Variants in XKR6 observed in about 807,000 individuals in gnomAD.
XKR6 encodes XK related 6.
A neutral mutation model predicts 56.7 loss-of-function variants in XKR6; 22 were observed. The observed-to-expected ratio is 0.39, with a 90% CI of 0.28 to 0.55. The LOEUF (loss-of-function observed/expected upper bound fraction) is 0.55. Among genes scored for constraint, XKR6 ranks in the 20% least tolerant of loss-of-function variants. The pLI is 0.66. For missense variants in XKR6, 852 were observed against 889.0 expected, an observed-to-expected ratio of 0.96 and a Z score of 0.53; for synonymous variants, 524 against 387.8, an observed-to-expected ratio of 1.35 and a Z score of -4.13.
chr8:11,165,978 T>TA (rs1554476588), intron 1 of XKR6, among the ~76,000 whole-genome samples: 1 of 149,308 alleles, frequency 6.7e-6, no homozygotes, highest in African/African-American at 2.5e-5. Context: ...TTTTTTGAGA[T>TA]GGAGTCTCAC....
intron 1 of XKR6, among the ~76,000 whole-genome samples, chr8:11,083,898 G>C (rs1797805039): frequency 6.6e-6 from 1 of 151,966 alleles, no homozygotes; most frequent in Non-Finnish European, 1.5e-5. Context: ...TAAAGTTCTT[G>C]AGACAGATTG....
chr8:11,195,135 G>T (rs761087344), intron 1 of XKR6: 1 of 703,112 alleles, frequency 1.4e-6, no homozygotes, highest in Admixed American at 2.0e-5. Flanking sequence ...GATGGGAGGA[G>T]GGAGAAGGGA....
At chr8:11,091,331 G>C (rs1798062468) in intron 1 of XKR6, among the ~76,000 whole-genome samples, 2 of 152,014 alleles carry the variant, frequency 1.3e-5, no homozygotes. Flanking sequence ...CCAGCTACTT[G>C]GAAGGCTGAG....
chr8:10,997,943 C>T (rs1798152172), intron 1 of XKR6, among the ~76,000 whole-genome samples: 1 of 152,168 alleles, frequency 6.6e-6, no homozygotes, highest in Non-Finnish European at 1.5e-5. Context: ...TCACAGGATG[C>T]TTCCCATAGC....
intron 1 of XKR6, among the ~76,000 whole-genome samples, chr8:10,937,667 G>A (rs1160029947): frequency 3.4e-5 from 5 of 149,030 alleles, no homozygotes; most frequent in Admixed American, 6.7e-5. Context: ...GCCGTGTGAG[G>A]TGTCAGTGTG....
At chr8:11,130,263 A>T (rs560136256) in intron 1 of XKR6, among the ~76,000 whole-genome samples, 1 of 152,124 alleles carries the variant, frequency 6.6e-6, no homozygotes, top group South Asian at 2.1e-4. Context: ...AAAATGATAG[A>T]TTTTTCAGCA....
At chr8:11,001,584 C>A (rs1160123035) in intron 1 of XKR6, among the ~76,000 whole-genome samples, 2 of 152,252 alleles carry the variant, frequency 1.3e-5, no homozygotes, top group African/African-American at 4.8e-5. Flanking sequence ...CCAGGCAGGC[C>A]TCTCCTTACC....
chr8:11,008,141 T>G (rs1798414658), intron 1 of XKR6, among the ~76,000 whole-genome samples: 1 of 152,218 alleles, frequency 6.6e-6, no homozygotes, highest in African/African-American at 2.4e-5. Context: ...ACTCTCACGA[T>G]GCCCTGTCCT....
At chr8:11,185,424 T>C (rs1340971922) in intron 1 of XKR6, among the ~76,000 whole-genome samples, 1 of 152,224 alleles carries the variant, frequency 6.6e-6, no homozygotes, top group East Asian at 1.9e-4. Context: ...ATATACGTAG[T>C]TTCACTTCAA....
At chr8:11,107,301 G>C (rs745794662) in intron 1 of XKR6, among the ~76,000 whole-genome samples, 1 of 151,874 alleles carries the variant, frequency 6.6e-6, no homozygotes, top group Non-Finnish European at 1.5e-5. Flanking sequence ...CTGGGCTCAA[G>C]AGATCCTCCT....
chr8:11,136,195 T>C (rs539739920), intron 1 of XKR6, among the ~76,000 whole-genome samples: 3 of 152,324 alleles, frequency 2.0e-5, no homozygotes, highest in South Asian at 2.1e-4. Context: ...TTTCCTCCAT[T>C]ACTAGGGACT....
chr8:11,150,061 G>C (rs752102127), intron 1 of XKR6, among the ~76,000 whole-genome samples: 1 of 152,196 alleles, frequency 6.6e-6, no homozygotes, highest in Non-Finnish European at 1.5e-5. Flanking sequence ...AGATACCAGA[G>C]GCTGGGAAGA....
intron 1 of XKR6, among the ~76,000 whole-genome samples, chr8:11,112,861 T>G (rs186073447): frequency 4.6e-5 from 7 of 152,084 alleles, no homozygotes; most frequent in Non-Finnish European, 1.0e-4. Context: ...GCCACATACA[T>G]GAAGAAAAAG....
chr8:11,118,684 T>C (rs1364051274), intron 1 of XKR6, among the ~76,000 whole-genome samples: 1 of 152,208 alleles, frequency 6.6e-6, no homozygotes, highest in African/African-American at 2.4e-5. Context: ...TTGCATCTAT[T>C]TGATTCTTCT....
chr8:11,035,370 A>G, intron 1 of XKR6: 4 of 532,272 alleles, frequency 7.5e-6, no homozygotes, highest in Admixed American at 5.8e-5. Context: ...CAAATCATGA[A>G]TGGGGCTCTT....
intron 1 of XKR6, among the ~76,000 whole-genome samples, chr8:11,082,358 T>A (rs1377375197): frequency 6.6e-6 from 1 of 152,198 alleles, no homozygotes; most frequent in African/African-American, 2.4e-5. Context: ...TTGGTCAATT[T>A]TGGAAGGGCT....
intron 1 of XKR6, among the ~76,000 whole-genome samples, chr8:10,958,789 G>C (rs539276292): frequency 4.3e-4 from 66 of 152,312 alleles, no homozygotes; most frequent in African/African-American, 1.5e-3. Flanking sequence ...CACTGGATGA[G>C]AAAGTACAAC....
chr8:10,973,023 G>C (rs918999623), intron 1 of XKR6, among the ~76,000 whole-genome samples: 2 of 152,150 alleles, frequency 1.3e-5, no homozygotes, highest in Non-Finnish European at 2.9e-5. Context: ...CATTCAGTAG[G>C]ACTTTGCTGT....
At chr8:11,054,390 A>C (rs1031390310) in intron 1 of XKR6, among the ~76,000 whole-genome samples, 1 of 152,208 alleles carries the variant, frequency 6.6e-6, no homozygotes, top group African/African-American at 2.4e-5. Context: ...TGCCCTGTAC[A>C]AGAAATCTGT....
Sources: gnomAD v4.1 joint callset for allele counts (sites outside exome capture counted in the v4.1 genomes callset) on GRCh38, gnomAD v4.1.1 for gene constraint, MANE v1.5 for transcripts, NCBI Gene and HGNC (gene_info 2026-07-23, HGNC 2026-07-21) for gene names.